The following GRB10 variants were observed in gnomAD, a reference collection of about 807,000 sequenced individuals.
GRB10 encodes growth factor receptor bound protein 10, also known as growth factor receptor-bound protein 10.
A neutral mutation model predicts 80.9 loss-of-function variants in GRB10; 20 were observed. That is an observed-to-expected ratio of 0.25 (90% CI 0.17 to 0.36). GRB10 has a LOEUF of 0.36. Among genes scored for constraint, GRB10 ranks in the 10% least tolerant of loss-of-function variants. The probability of loss-of-function intolerance (pLI) is 1.00; values close to 1 mark genes in which losing one functional copy is unlikely to be tolerated. For synonymous variants in GRB10, 291 were observed against 291.5 expected, an observed-to-expected ratio of 1.00 and a Z score of 0.02; for missense variants, 548 against 747.7, an observed-to-expected ratio of 0.73 and a Z score of 3.12.
At position 50,590,455 on chromosome 7, in the gene GRB10, C is replaced by G. The variant is rs1372081109; in HGVS notation, c.*2497G>C. ...GCAAACAAAAGAACATTCTGGAACT[C>G]TAACACCTAGTGTAACAGAGCTTAC... On this transcript the variant is annotated 3_prime_UTR_variant, in exon 19 of 19. Coordinates refer to ENST00000401949, the MANE Select transcript of GRB10 (RefSeq NM_001350814.2). 6.6e-6 allele frequency: 1 copy of G among 152,408 alleles called. No homozygotes were observed. Among genetic ancestry groups the G allele is most frequent in the Non-Finnish European group, 1.5e-5 (1 of 68,048 alleles). 9.4% of individuals were successfully genotyped at this position (152,408 alleles called of 1,614,324 possible). A position where few individuals can be genotyped will look rare whatever the true frequency, so the allele number is the denominator to read the frequency against.
At chr7:50,704,205 G>T (rs996753403) in intron 4 of GRB10, among the ~76,000 whole-genome samples, 162 of 152,150 alleles carry the variant, frequency 1.1e-3, no homozygotes, top group Middle Eastern at 3.4e-3. Context: ...TCCAATTTAG[G>T]CAGTGAATAG....
chr7:50,668,702 T>A lies in GRB10; in HGVS notation c.504+1020A>T, dbSNP rs368526929. Among the ~76,000 whole-genome samples, 17 of 152,350 alleles carry A rather than the reference T, an allele frequency of 1.1e-4. 1 individual carries two copies. Among genetic ancestry groups the A allele is most frequent in the South Asian group, 1.0e-3 (5 of 4,830 alleles). On this transcript the variant is annotated intron_variant, in intron 7 of 18. Coordinates refer to ENST00000401949, the MANE Select transcript of GRB10 (RefSeq NM_001350814.2). ...TCAGATGGCGCAGTTGTTCTAATGA[T>A]CACCTCCACCCCTAGGGGTCTTCCT...
At chr7:50,662,852 C>T (rs1308965706) in intron 7 of GRB10, among the ~76,000 whole-genome samples, 1 of 152,206 alleles carries the variant, frequency 6.6e-6, no homozygotes, top group Non-Finnish European at 1.5e-5. Context: ...CATCTGAAGC[C>T]TCTTCCTTGT....
intron 3 of GRB10, among the ~76,000 whole-genome samples, chr7:50,748,198 G>A (rs557369657): frequency 1.3e-5 from 2 of 152,282 alleles, no homozygotes; most frequent in East Asian, 1.9e-4. Flanking sequence ...CTGTGGTTTC[G>A]GATTAATTAA....
At chr7:50,791,570 G>A (rs1469454048) in intron 1 of GRB10, among the ~76,000 whole-genome samples, 1 of 152,220 alleles carries the variant, frequency 6.6e-6, no homozygotes, top group South Asian at 2.1e-4. Flanking sequence ...GGGATCAGGA[G>A]GTTGTAGAGG....
At chr7:50,788,980 G>T (rs970166247) in intron 1 of GRB10, among the ~76,000 whole-genome samples, 6 of 152,188 alleles carry the variant, frequency 3.9e-5, no homozygotes, top group African/African-American at 1.4e-4. Context: ...GCTCCTGGTT[G>T]AAGGAAACCA....
intron 2 of GRB10, among the ~76,000 whole-genome samples, chr7:50,757,728 T>C (rs138779720): frequency 6.6e-6 from 1 of 152,324 alleles, no homozygotes; most frequent in East Asian, 1.9e-4. Context: ...GACATGGCAA[T>C]GGGAACACTG....
chr7:50,606,319 G>A lies in GRB10; in HGVS notation c.1272+18C>T, dbSNP rs1345016740. 3.7e-6 allele frequency: 6 copies of A among 1,603,578 alleles called. No individual in the cohort carries two copies. The highest frequency in any genetic ancestry group is 5.1e-6 in the Non-Finnish European group (6 of 1,170,496). ...GCTGAAAAGGCACTAGACTTCTGAA[G>A]CTCCTGGCTTTACTTACCACTGGCG... On this transcript the variant is annotated intron_variant, in intron 14 of 18. Transcript: ENST00000401949.
chr7:50,640,195 C>T (rs541690869), intron 7 of GRB10, among the ~76,000 whole-genome samples: 1 of 152,326 alleles, frequency 6.6e-6, no homozygotes, highest in African/African-American at 2.4e-5. Context: ...GCTTTACAGT[C>T]AGCTAGAGAT....
At chr7:50,710,911 A>C in intron 4 of GRB10, 1 of 1,612,670 alleles carries the variant, frequency 6.2e-7, no homozygotes, top group Non-Finnish European at 8.5e-7. Flanking sequence ...CTTGCATAGG[A>C]GGTCTCTCTC....
At chr7:50,658,400 A>G (rs1055313189) in intron 7 of GRB10, among the ~76,000 whole-genome samples, 2 of 152,246 alleles carry the variant, frequency 1.3e-5, no homozygotes, top group Non-Finnish European at 2.9e-5. Context: ...AAGAATTAGC[A>G]AATCAGTTTG....
chr7:50,683,123 C>A (rs2061722719), intron 5 of GRB10, among the ~76,000 whole-genome samples: 1 of 152,164 alleles, frequency 6.6e-6, no homozygotes, highest in African/African-American at 2.4e-5. Context: ...CATATACACA[C>A]AATGGAATAT....
At chr7:50,708,860 G>C (rs953503387) in intron 4 of GRB10, among the ~76,000 whole-genome samples, 1 of 152,048 alleles carries the variant, frequency 6.6e-6, no homozygotes, top group African/African-American at 2.4e-5. Flanking sequence ...TATTTTAGTA[G>C]AGATGCGGTT....
At chr7:50,642,886 C>T (rs1241091322) in intron 7 of GRB10, among the ~76,000 whole-genome samples, 1 of 152,114 alleles carries the variant, frequency 6.6e-6, no homozygotes, top group Non-Finnish European at 1.5e-5. Context: ...AGCAGAATGC[C>T]TACTCAAGAA....
At chr7:50,659,963 G>A (rs1363389564) in intron 7 of GRB10, among the ~76,000 whole-genome samples, 1 of 152,184 alleles carries the variant, frequency 6.6e-6, no homozygotes, top group African/African-American at 2.4e-5. Context: ...CTAGAAGCTC[G>A]GGTCCTGAGT....
chr7:50,714,934 G>A (rs963661727), intron 4 of GRB10, among the ~76,000 whole-genome samples: 3 of 152,082 alleles, frequency 2.0e-5, no homozygotes, highest in Non-Finnish European at 4.4e-5. Flanking sequence ...TCCCCCATGA[G>A]CAGAAGGAAG....
chr7:50,741,656 G>A (rs1037781662), intron 3 of GRB10, among the ~76,000 whole-genome samples: 1 of 150,476 alleles, frequency 6.6e-6, no homozygotes, highest in African/African-American at 2.4e-5. Flanking sequence ...TACAGTCCTA[G>A]ACAATTAGGA....
At chr7:50,766,218 C>G (rs2076325596) in intron 2 of GRB10, among the ~76,000 whole-genome samples, 1 of 152,200 alleles carries the variant, frequency 6.6e-6, no homozygotes, top group African/African-American at 2.4e-5. Flanking sequence ...TACTCAGGGT[C>G]CCTTGTGATC....
rs1282264752 is a variant in GRB10, at chr7:50,592,776, C to G, written c.*176G>C. 1 of 738,346 alleles carries G rather than the reference C, an allele frequency of 1.4e-6. No homozygotes were observed. Among genetic ancestry groups the G allele is most frequent in the African/African-American group, 1.7e-5 (1 of 57,798 alleles). The allele number at this position is 738,346 out of a possible 1,614,324, so 45.7% of individuals were successfully genotyped here. On this transcript the variant is annotated 3_prime_UTR_variant, in exon 19 of 19. Coordinates refer to ENST00000401949, the MANE Select transcript of GRB10 (RefSeq NM_001350814.2). Reference sequence around the variant, plus strand: ...GGCGACCCTGCTGGGTTCACAGCAGCAAATCGTCGTTTAAGTCCAACAAAC... The same window carrying G: ...GGCGACCCTGCTGGGTTCACAGCAGGAAATCGTCGTTTAAGTCCAACAAAC...
Sources: allele counts gnomAD v4.1 joint callset (sites outside exome capture counted in the v4.1 genomes callset), GRCh38; gene constraint gnomAD v4.1.1; transcripts MANE v1.5; gene names NCBI Gene and HGNC (gene_info 2026-07-23, HGNC 2026-07-21).